DNM3: variants seen among roughly 807,000 people sequenced by gnomAD.
The protein encoded by DNM3 is dynamin-3.
A neutral mutation model predicts 101.6 loss-of-function variants in DNM3; 47 were observed. That is an observed-to-expected ratio of 0.46 (90% CI 0.37 to 0.59). DNM3 has a LOEUF of 0.59. DNM3 is among the 20% of genes least tolerant of loss of function. The pLI is 0.00. For missense variants in DNM3, 849 were observed against 1,085.7 expected (o/e 0.78, Z 3.06); for synonymous variants, 385 against 387.9 (o/e 0.99, Z 0.09).
chr1:172,352,938 A>T (rs1243531701), intron 17 of DNM3, among the ~76,000 whole-genome samples: 2 of 152,138 alleles, frequency 1.3e-5, no homozygotes, highest in East Asian at 1.9e-4. Flanking sequence ...CACAATAGGG[A>T]TCTGATCATT....
chr1:172,229,682 C>A (rs1027885857), intron 14 of DNM3, among the ~76,000 whole-genome samples: 1 of 152,050 alleles, frequency 6.6e-6, no homozygotes, highest in Non-Finnish European at 1.5e-5. Flanking sequence ...TAACTACATC[C>A]TTTTCATTAC....
Position 172,157,614 on chromosome 1 carries a change from T to A in DNM3, c.1659+26326T>A, listed in dbSNP as rs578001285. Among the ~76,000 whole-genome samples, 4 of 152,126 alleles carry A rather than the reference T, an allele frequency of 2.6e-5. No individual in the cohort carries two copies. The South Asian group carries it at 8.3e-4, about 32-fold the overall frequency. On this transcript the variant is annotated intron_variant, in intron 14 of 20. Coordinates refer to ENST00000627582, the MANE Select transcript of DNM3 (RefSeq NM_015569.5). ...GCAGATTGAAAATATTTGAAAAAAATTGGGTCTGTACTGAACATGTACAGG... is the reference window on the plus strand; with the variant it reads ...GCAGATTGAAAATATTTGAAAAAAAATGGGTCTGTACTGAACATGTACAGG...
intron 12 of DNM3, among the ~76,000 whole-genome samples, chr1:172,092,563 G>A (rs6703318): frequency 0.019 from 2,888 of 152,150 alleles, 52 homozygotes; most frequent in Middle Eastern, 0.031. Context: ...ATGTCAACTC[G>A]TATGTTATTA....
At chr1:172,112,313 C>T (rs918948273) in intron 13 of DNM3, among the ~76,000 whole-genome samples, 2 of 152,090 alleles carry the variant, frequency 1.3e-5, no homozygotes, top group Non-Finnish European at 2.9e-5. Flanking sequence ...GATAACTTGT[C>T]TGGGGTGACA....
At chr1:172,216,841 T>C (rs577965542) in intron 14 of DNM3, among the ~76,000 whole-genome samples, 1 of 152,208 alleles carries the variant, frequency 6.6e-6, no homozygotes, top group South Asian at 2.1e-4. Flanking sequence ...TTTATGTTCA[T>C]ATTTCAAAGT....
At position 172,099,531 on chromosome 1, in the gene DNM3, G is replaced by A. The variant is rs75844564; in HGVS notation, c.1545+6656G>A. The stretch of plus-strand genomic sequence containing the variant: ...TGGTCATTTGGGCTCACCTAGCTGC[G>A]TGGGAAATAGAAAAATATACTCTGA... On this transcript the variant is annotated intron_variant, in intron 13 of 20. Coordinates refer to ENST00000627582, the MANE Select transcript of DNM3 (RefSeq NM_015569.5). Among the ~76,000 whole-genome samples the A allele has an allele frequency of 5.3e-3, 809 of 151,786 alleles. 8 individuals carry two copies. Among genetic ancestry groups the A allele is most frequent in the African/African-American group, 0.018 (735 of 41,340 alleles).
rs1022380489 is a variant in DNM3, at chr1:172,030,797, A to G, written c.590-1605A>G. 2.0e-5 allele frequency among the ~76,000 whole-genome samples: 3 copies of G among 152,250 alleles called. No homozygotes were observed. The South Asian group carries it at 6.2e-4, about 31-fold the overall frequency. On this transcript the variant is annotated intron_variant, in intron 4 of 20. Coordinates refer to ENST00000627582, the MANE Select transcript of DNM3 (RefSeq NM_015569.5). ...ATTTATGTAGCCAACAAACATATGA[A>G]AAAAAGCTCATCATCACTGGTCATT...
chr1:172,159,593 A>G (rs1305797663), intron 14 of DNM3, among the ~76,000 whole-genome samples: 3 of 152,134 alleles, frequency 2.0e-5, no homozygotes, highest in Admixed American at 2.0e-4. Flanking sequence ...ATAGAATGTT[A>G]GGAAACTTTT....
intron 4 of DNM3, among the ~76,000 whole-genome samples, chr1:171,992,466 A>C (rs139058234): frequency 3.0e-4 from 45 of 152,232 alleles, no homozygotes; most frequent in Non-Finnish European, 4.6e-4. Context: ...TTATGCCACA[A>C]ATCTACTCCA....
intron 16 of DNM3, among the ~76,000 whole-genome samples, chr1:172,318,711 C>T (rs1419380643): frequency 6.6e-6 from 1 of 152,180 alleles, no homozygotes; most frequent in Non-Finnish European, 1.5e-5. Flanking sequence ...AGGAGAACTA[C>T]AAACCACTGC....
intron 2 of DNM3, among the ~76,000 whole-genome samples, chr1:171,939,477 T>C (rs1361055921): frequency 6.6e-6 from 1 of 152,198 alleles, no homozygotes; most frequent in Non-Finnish European, 1.5e-5. Context: ...AACCAACGAT[T>C]ATACTTCTCT....
intron 13 of DNM3, among the ~76,000 whole-genome samples, chr1:172,127,923 G>C (rs74126005): frequency 0.02 from 2,989 of 151,890 alleles, 105 homozygotes; most frequent in African/African-American, 0.068. Flanking sequence ...TTCACTTTTC[G>C]ACCCAAAGAA....
At chr1:172,032,588 T>TA in intron 5 of DNM3, 88 bp downstream of exon 5, 5 of 834,074 alleles carry the variant, frequency 6.0e-6, no homozygotes, top group Non-Finnish European at 8.8e-6. Context: ...GGGAAGCCAC[T>TA]AGGAGGTTTG....
At chr1:172,085,746 T>C (rs1397053828) in intron 12 of DNM3, among the ~76,000 whole-genome samples, 1 of 152,184 alleles carries the variant, frequency 6.6e-6, no homozygotes, top group Non-Finnish European at 1.5e-5. Context: ...ATTGCCGTTT[T>C]ACTGAAGGCA....
At chr1:172,157,755 G>A (rs1326493933) in intron 14 of DNM3, among the ~76,000 whole-genome samples, 1 of 152,004 alleles carries the variant, frequency 6.6e-6, no homozygotes, top group African/African-American at 2.4e-5. Context: ...GATGATTTAA[G>A]GTATACAGGA....
chr1:172,278,544 G>T (rs1363406334), intron 15 of DNM3, among the ~76,000 whole-genome samples: 1 of 152,152 alleles, frequency 6.6e-6, no homozygotes, highest in Non-Finnish European at 1.5e-5. Context: ...AGTTTGAATT[G>T]TAACAAATGT....
At chr1:172,262,911 A>T (rs1028310914) in intron 15 of DNM3, among the ~76,000 whole-genome samples, 8 of 152,226 alleles carry the variant, frequency 5.3e-5, no homozygotes, top group African/African-American at 1.9e-4. Flanking sequence ...CATTAAAATC[A>T]AAACCTTTTG....
At chr1:172,118,142 C>T (rs1449873731) in intron 13 of DNM3, among the ~76,000 whole-genome samples, 1 of 152,168 alleles carries the variant, frequency 6.6e-6, no homozygotes, top group Non-Finnish European at 1.5e-5. Flanking sequence ...GATTCCTTCA[C>T]ATTGGAAGAG....
At chr1:172,386,791 C>T (rs1414235868) in intron 18 of DNM3, 1 of 231,768 alleles carries the variant, frequency 4.3e-6, no homozygotes, top group Non-Finnish European at 8.7e-6. Context: ...CTCATAGTAC[C>T]TTCCCTCTTC....
Sources: gnomAD v4.1 joint callset for allele counts (sites outside exome capture counted in the v4.1 genomes callset) on GRCh38, gnomAD v4.1.1 for gene constraint, MANE v1.5 for transcripts, NCBI Gene and HGNC (gene_info 2026-07-23, HGNC 2026-07-21) for gene names.